The following KCTD1 variants were observed in gnomAD, a reference collection of about 807,000 sequenced individuals.
The protein encoded by KCTD1 is potassium channel tetramerization domain containing 1, also known as BTB/POZ domain-containing protein KCTD1.
A neutral mutation model predicts 66.0 loss-of-function variants in KCTD1; 24 were observed. The ratio of observed to expected loss-of-function variants is 0.36; its 90% CI spans 0.26 to 0.51. The LOEUF is 0.51. KCTD1 is among the 20% of genes least tolerant of loss of function. KCTD1 has a pLI of 0.95. For synonymous variants in KCTD1, 511 were observed against 517.2 expected (o/e 0.99, Z 0.16); for missense variants, 943 against 1,205.2 (o/e 0.78, Z 3.22).
chr18:26,549,557 G>A (rs1985461092), upstream of KCTD1: 15 of 492,510 alleles, frequency 3.0e-5, no homozygotes, highest in Non-Finnish European at 3.6e-5. Context: ...CCAGGGCGCC[G>A]CCCTCCCTGC....
In KCTD1 at chr18:26,600,953, CATATCTTGAG is replaced by C. The variant is rs1986881347; in HGVS notation, c.-16+28184_-16+28193del. 5.9e-5 allele frequency among the ~76,000 whole-genome samples: 9 copies of C among 152,126 alleles called. No individual in the cohort carries two copies. In the South Asian group the frequency reaches 1.9e-3, roughly 32 times the overall value. ...TAACCTTCAGGTATTAAACTTGCTG[CATATCTTGAG>C]ATATCTTGAGATTCTGCATGTCTTG... On this transcript the variant is annotated intron_variant, in intron 1 of 4. Transcript: ENST00000317932.
At chr18:26,528,011 A>C (rs1348449434) in intron 1 of KCTD1, among the ~76,000 whole-genome samples, 1 of 152,136 alleles carries the variant, frequency 6.6e-6, no homozygotes, top group Non-Finnish European at 1.5e-5. Flanking sequence ...AAATCAATTA[A>C]AGTAATGCTA....
At chr18:26,498,363 T>G (rs1340338904) in intron 2 of KCTD1, among the ~76,000 whole-genome samples, 2 of 151,428 alleles carry the variant, frequency 1.3e-5, no homozygotes, top group Non-Finnish European at 2.9e-5. Context: ...CAGTATCAGG[T>G]TAGGGGAGGG....
chr18:26,591,484 G>C (rs1986602779), intron 1 of KCTD1: 1 of 152,212 alleles, frequency 6.6e-6, no homozygotes, highest in Admixed American at 6.5e-5. Flanking sequence ...AAAAGGCCCT[G>C]AGCTGGGATT....
chr18:26,531,155 T>C (rs894470326), intron 1 of KCTD1, among the ~76,000 whole-genome samples: 2 of 152,148 alleles, frequency 1.3e-5, no homozygotes, highest in Non-Finnish European at 2.9e-5. Context: ...CATTATTTTT[T>C]TGAAGAACTA....
upstream of KCTD1, among the ~76,000 whole-genome samples, chr18:26,552,009 A>G (rs1409940710): frequency 6.6e-6 from 1 of 152,188 alleles, no homozygotes; most frequent in African/African-American, 2.4e-5. Flanking sequence ...ACTATAGGGA[A>G]CATTTATTGC....
chr18:26,600,543 T>C (rs1208488833), intron 1 of KCTD1, among the ~76,000 whole-genome samples: 2 of 152,062 alleles, frequency 1.3e-5, no homozygotes, highest in Admixed American at 6.6e-5. Flanking sequence ...ACCAAGGTAT[T>C]ATGGGGCCCG....
chr18:26,646,343 C>T (rs1257749417), intron 1 of KCTD1, among the ~76,000 whole-genome samples: 1 of 152,066 alleles, frequency 6.6e-6, no homozygotes, highest in African/African-American at 2.4e-5. Context: ...TTTCTCCATC[C>T]TTTGACGGAG....
intron 1 of KCTD1, among the ~76,000 whole-genome samples, chr18:26,514,271 A>G (rs1236681373): frequency 6.6e-6 from 1 of 152,066 alleles, no homozygotes; most frequent in Non-Finnish European, 1.5e-5. Flanking sequence ...GGGAGGAGAG[A>G]GCCAAGCACA....
At chr18:26,495,756 G>A (rs1347329496) in intron 2 of KCTD1, among the ~76,000 whole-genome samples, 1 of 152,124 alleles carries the variant, frequency 6.6e-6, no homozygotes, top group East Asian at 1.9e-4. Context: ...GTCATTGGTT[G>A]ACAATCAGTG....
chr18:26,479,364 A>T (rs1408156309), intron 2 of KCTD1, among the ~76,000 whole-genome samples: 1 of 152,092 alleles, frequency 6.6e-6, no homozygotes, highest in Non-Finnish European at 1.5e-5. Context: ...AAGGGCAGCA[A>T]GAAAGGCCCA....
chr18:26,616,550 C>G (rs1987259755), intron 1 of KCTD1, among the ~76,000 whole-genome samples: 2 of 151,868 alleles, frequency 1.3e-5, no homozygotes, highest in Admixed American at 1.3e-4. Flanking sequence ...GACAGAGTCT[C>G]ACTCTGTCAC....
chr18:26,511,793 T>C (rs894385925), intron 1 of KCTD1, among the ~76,000 whole-genome samples: 5 of 152,196 alleles, frequency 3.3e-5, no homozygotes, highest in Admixed American at 1.3e-4. Context: ...AGATTTGCCT[T>C]GTTCCTTTCA....
chr18:26,642,607 A>G (rs1023851900), upstream of KCTD1, among the ~76,000 whole-genome samples: 6 of 152,214 alleles, frequency 3.9e-5, no homozygotes, highest in African/African-American at 1.2e-4. Context: ...AGTCATTCAA[A>G]AAAACTGTTA....
At chr18:26,612,555 A>G (rs918967880) in intron 1 of KCTD1, among the ~76,000 whole-genome samples, 56 of 152,214 alleles carry the variant, frequency 3.7e-4, no homozygotes, top group African/African-American at 1.2e-3. Flanking sequence ...GTCATCTACA[A>G]GCCAAGGAAT....
At chr18:26,535,593 C>G (rs1984665105) in intron 1 of KCTD1, among the ~76,000 whole-genome samples, 1 of 152,228 alleles carries the variant, frequency 6.6e-6, no homozygotes, top group Non-Finnish European at 1.5e-5. Flanking sequence ...CTTTCTTTCA[C>G]TGAGGCTCCA....
At chr18:26,589,699 AG>A (rs771103337) in intron 1 of KCTD1, among the ~76,000 whole-genome samples, 1 of 152,192 alleles carries the variant, frequency 6.6e-6, no homozygotes, top group Non-Finnish European at 1.5e-5. Context: ...GTGTGCATCA[AG>A]GAAGGTTAGA....
intron 1 of KCTD1, among the ~76,000 whole-genome samples, chr18:26,538,478 A>C (rs1323024268): frequency 6.6e-6 from 1 of 152,086 alleles, no homozygotes; most frequent in African/African-American, 2.4e-5. Context: ...ATCTCCCAGA[A>C]GACCTGCAAA....
intron 1 of KCTD1, among the ~76,000 whole-genome samples, chr18:26,565,380 A>G (rs1985958527): frequency 6.6e-6 from 1 of 152,208 alleles, no homozygotes; most frequent in Non-Finnish European, 1.5e-5. Context: ...TGAAATCTTT[A>G]TCTCCCTTTC....
Sources: gnomAD v4.1 joint callset for allele counts (sites outside exome capture counted in the v4.1 genomes callset) on GRCh38, gnomAD v4.1.1 for gene constraint, MANE v1.5 for transcripts, NCBI Gene and HGNC (gene_info 2026-07-23, HGNC 2026-07-21) for gene names.